TPTE2: variants seen among roughly 807,000 people sequenced by gnomAD.
The protein encoded by TPTE2 is transmembrane phosphoinositide 3-phosphatase and tensin homolog 2.
In TPTE2, 53 loss-of-function variants were observed where a neutral mutation model predicts 78.6. The ratio of observed to expected loss-of-function variants is 0.67; its 90% CI spans 0.54 to 0.85. The LOEUF is 0.85. TPTE2 is among the 40% of genes least tolerant of loss of function. The probability of loss-of-function intolerance (pLI) is 0.00; values close to 1 mark genes in which losing one functional copy is unlikely to be tolerated. For synonymous variants in TPTE2, 175 were observed against 206.2 expected, an observed-to-expected ratio of 0.85 and a Z score of 1.30; for missense variants, 461 against 623.0, an observed-to-expected ratio of 0.74 and a Z score of 2.77.
intron 17 of TPTE2, among the ~76,000 whole-genome samples, chr13:19,428,043 G>T (rs1241313285): frequency 1.3e-5 from 2 of 152,210 alleles, no homozygotes; most frequent in Non-Finnish European, 2.9e-5. Flanking sequence ...ATTTCATTAA[G>T]GAGGTAGAAA....
At chr13:19,476,174 A>C (rs1351069424) in intron 4 of TPTE2, among the ~76,000 whole-genome samples, 3 of 152,116 alleles carry the variant, frequency 2.0e-5, no homozygotes, top group Non-Finnish European at 2.9e-5. Context: ...CATTTTAGTA[A>C]GATATACTTC....
exon 2 of TPTE2, chr13:19,493,469 T>C: frequency 6.2e-7 from 1 of 1,613,850 alleles, no homozygotes; most frequent in Non-Finnish European, 8.5e-7. Context: ...AGGTGCCTCC[T>C]CGGTTGTTCC....
chr13:19,447,658 G>A (rs576360756), intron 13 of TPTE2, among the ~76,000 whole-genome samples: 1 of 152,124 alleles, frequency 6.6e-6, no homozygotes, highest in East Asian at 1.9e-4. Context: ...ACGGTGCTAT[G>A]TTTTCCTGGA....
intron 17 of TPTE2, among the ~76,000 whole-genome samples, chr13:19,429,156 A>T (rs11149519): frequency 0.016 from 2,483 of 152,226 alleles, 39 homozygotes; most frequent in Middle Eastern, 0.034. Flanking sequence ...TCTACCTACA[A>T]TTTTTCACAA....
At chr13:19,428,050 G>C (rs555100141) in intron 17 of TPTE2, among the ~76,000 whole-genome samples, 2 of 152,316 alleles carry the variant, frequency 1.3e-5, no homozygotes, top group African/African-American at 4.8e-5. Context: ...TAAGGAGGTA[G>C]AAATTGAATT....
intron 10 of TPTE2, among the ~76,000 whole-genome samples, chr13:19,459,607 G>A (rs1031849906): frequency 3.3e-5 from 5 of 152,154 alleles, no homozygotes; most frequent in Admixed American, 1.3e-4. Context: ...TGACCAAACT[G>A]CAGAGATGGC....
chr13:19,441,712 T>C (rs969549862), intron 13 of TPTE2, among the ~76,000 whole-genome samples: 23 of 152,202 alleles, frequency 1.5e-4, no homozygotes, highest in African/African-American at 4.8e-4. Context: ...ATTAATGACA[T>C]AATATTGACA....
chr13:19,549,839 A>G, the TPTE2 span, among the ~76,000 whole-genome samples: 1 of 97,116 alleles, frequency 1.0e-5, no homozygotes, highest in African/African-American at 2.7e-5. Context: ...TAATGAGATC[A>G]TGGCCTTTGC....
intron 10 of TPTE2, among the ~76,000 whole-genome samples, chr13:19,452,682 G>T (rs766755443): frequency 2.6e-5 from 4 of 152,010 alleles, no homozygotes; most frequent in South Asian, 2.1e-4. Context: ...GCAAAATAAG[G>T]CATGAAATTT....
At chr13:19,487,836 T>C (rs575409803) in intron 3 of TPTE2, among the ~76,000 whole-genome samples, 1 of 152,318 alleles carries the variant, frequency 6.6e-6, no homozygotes, top group African/African-American at 2.4e-5. Context: ...AGTCTTCACC[T>C]TGTACTCCTA....
chr13:19,533,332 C>T (rs975002015), intron 1 of TPTE2, among the ~76,000 whole-genome samples: 1 of 152,120 alleles, frequency 6.6e-6, no homozygotes, highest in Non-Finnish European at 1.5e-5. Flanking sequence ...TGATCAATCC[C>T]ATTTTTCTCC....
exon 6 of TPTE2, chr13:19,474,014 T>C: frequency 1.2e-6 from 2 of 1,609,688 alleles, no homozygotes; most frequent in Non-Finnish European, 1.7e-6. Context: ...TTGCTGTCAG[T>C]GAAAATTAGG....
chr13:19,521,372 A>G (rs1482883919), intron 1 of TPTE2, among the ~76,000 whole-genome samples: 1 of 147,990 alleles, frequency 6.8e-6, no homozygotes, highest in East Asian at 2.0e-4. Context: ...CTGCTTTTTT[A>G]TCATGATTCC....
intron 19 of TPTE2, among the ~76,000 whole-genome samples, chr13:19,423,849 T>C (rs764639605): frequency 1.3e-5 from 2 of 152,208 alleles, no homozygotes; most frequent in Non-Finnish European, 2.9e-5. Flanking sequence ...AACGGTATCC[T>C]TTAGCAAGAA....
intron 1 of TPTE2, among the ~76,000 whole-genome samples, chr13:19,508,867 A>T (rs180909914): frequency 4.6e-5 from 7 of 152,200 alleles, no homozygotes; most frequent in African/African-American, 1.7e-4. Context: ...AGAGCAAAAG[A>T]CCTATGAGGG....
exon 9 of TPTE2, chr13:19,465,294 T>C: frequency 2.5e-6 from 4 of 1,613,930 alleles, no homozygotes; most frequent in Non-Finnish European, 3.4e-6. Flanking sequence ...CCATCCCTTG[T>C]GTATCGCCTT....
intron 4 of TPTE2, among the ~76,000 whole-genome samples, chr13:19,481,087 AAAGAAT>A (rs540177409): frequency 9.8e-4 from 150 of 152,372 alleles, no homozygotes; most frequent in Non-Finnish European, 1.8e-3. Flanking sequence ...GTTATTTACA[AAAGAAT>A]AAGTATGGTC....
chr13:19,547,308 C>T, the TPTE2 span, among the ~76,000 whole-genome samples: 4 of 152,062 alleles, frequency 2.6e-5, no homozygotes, highest in Admixed American at 2.6e-4. Context: ...AATGTAAAAA[C>T]TTAGCCAGGC....
intron 1 of TPTE2, among the ~76,000 whole-genome samples, chr13:19,515,224 A>G (rs966706303): frequency 2.6e-5 from 4 of 152,214 alleles, no homozygotes; most frequent in African/African-American, 9.6e-5. Flanking sequence ...AAGTTTAAGA[A>G]ACTGATCACA....
Sources: gnomAD v4.1 joint callset for allele counts (sites outside exome capture counted in the v4.1 genomes callset) on GRCh38, gnomAD v4.1.1 for gene constraint, MANE v1.5 for transcripts, NCBI Gene and HGNC (gene_info 2026-07-23, HGNC 2026-07-21) for gene names.